The following RAB38 variants were observed in gnomAD, a reference collection of about 807,000 sequenced individuals.
The protein encoded by RAB38 is RAB38, member RAS oncogene family.
A neutral mutation model predicts 18.4 loss-of-function variants in RAB38; 15 were observed. That is an observed-to-expected ratio of 0.82 (90% CI 0.55 to 1.26). The LOEUF is 1.26. Among genes scored for constraint, RAB38 ranks in the 50% most tolerant of loss-of-function variants. The pLI is 0.00. For synonymous variants in RAB38, 101 were observed against 104.4 expected (o/e 0.97, Z 0.20); for missense variants, 294 against 267.4 (o/e 1.10, Z -0.69).
chr11:88,173,388 A>G (rs964843713), intron 1 of RAB38, among the ~76,000 whole-genome samples: 1 of 152,190 alleles, frequency 6.6e-6, no homozygotes, highest in African/African-American at 2.4e-5. Flanking sequence ...AAGGAAACCA[A>G]AACAAGGAGG....
the RAB38 span, among the ~76,000 whole-genome samples, chr11:87,805,561 G>A: frequency 1.3e-5 from 2 of 151,542 alleles, no homozygotes; most frequent in Non-Finnish European, 2.9e-5. Context: ...GAGGGAGGGA[G>A]TGATTGGCAA....
At chr11:88,075,117 A>G in the RAB38 span, among the ~76,000 whole-genome samples, 1 of 152,230 alleles carries the variant, frequency 6.6e-6, no homozygotes, top group South Asian at 2.1e-4. Flanking sequence ...CTTCAACACC[A>G]TTCTCAGCAA....
the RAB38 span, among the ~76,000 whole-genome samples, chr11:87,955,873 G>GCGCA: frequency 3.4e-5 from 5 of 148,506 alleles, no homozygotes; most frequent in African/African-American, 9.9e-5. Flanking sequence ...CAAACAGTAT[G>GCGCA]CACACACACA....
the RAB38 span, among the ~76,000 whole-genome samples, chr11:87,895,063 C>G: frequency 1.8e-3 from 268 of 151,632 alleles, 1 homozygote; most frequent in African/African-American, 5.9e-3. Flanking sequence ...TGGAGTTCAA[C>G]TGAAATGCTT....
intron 2 of RAB38, among the ~76,000 whole-genome samples, chr11:88,135,949 A>G (rs1274006616): frequency 6.6e-6 from 1 of 152,192 alleles, no homozygotes; most frequent in African/African-American, 2.4e-5. Flanking sequence ...GTGACTGGGA[A>G]TTATGAAAGT....
At chr11:87,905,432 C>T in the RAB38 span, among the ~76,000 whole-genome samples, 1 of 151,760 alleles carries the variant, frequency 6.6e-6, no homozygotes, top group African/African-American at 2.4e-5. Context: ...TTATTTAATC[C>T]TAAACCTTAT....
the RAB38 span, chr11:88,098,505 A>T: frequency 6.6e-6 from 1 of 152,018 alleles, no homozygotes. Flanking sequence ...TCTGTATCTT[A>T]GCTAGTTGCA....
At chr11:88,011,710 C>G in the RAB38 span, among the ~76,000 whole-genome samples, 1 of 151,970 alleles carries the variant, frequency 6.6e-6, no homozygotes, top group African/African-American at 2.4e-5. Context: ...AAATTATGTC[C>G]TCTAGTTCTT....
chr11:88,160,246 A>G (rs1943174005), intron 1 of RAB38, among the ~76,000 whole-genome samples: 2 of 152,168 alleles, frequency 1.3e-5, no homozygotes, highest in Non-Finnish European at 2.9e-5. Flanking sequence ...TGAACACCAG[A>G]GAAATGCAAA....
chr11:87,829,584 G>A, the RAB38 span, among the ~76,000 whole-genome samples: 1 of 152,108 alleles, frequency 6.6e-6, no homozygotes, highest in African/African-American at 2.4e-5. Flanking sequence ...CACGAGAACA[G>A]CATGGGGGAA....
At position 88,145,036 on chromosome 11, in the gene RAB38, G is replaced by A. The variant is rs370410693; in HGVS notation, c.483+4639C>T. Among the ~76,000 whole-genome samples, 4 of 152,136 alleles carry A rather than the reference G, an allele frequency of 2.6e-5. No individual in the cohort carries two copies. In the East Asian group the frequency reaches 5.8e-4, roughly 22 times the overall value. On this transcript the variant is annotated intron_variant, in intron 2 of 2. Transcript: ENST00000243662. ...TTGTGTGCATCACGGCTAGATCGGCGTATGGGCTGTGGGTAGAGACAGTAG... is the reference window on the plus strand; with the variant it reads ...TTGTGTGCATCACGGCTAGATCGGCATATGGGCTGTGGGTAGAGACAGTAG...
the RAB38 span, among the ~76,000 whole-genome samples, chr11:88,064,536 A>C: frequency 6.6e-6 from 1 of 152,236 alleles, no homozygotes; most frequent in African/African-American, 2.4e-5. Flanking sequence ...ACAGCTGCAC[A>C]AATGAACACT....
At chr11:88,087,589 C>T in the RAB38 span, among the ~76,000 whole-genome samples, 1 of 151,936 alleles carries the variant, frequency 6.6e-6, no homozygotes, top group African/African-American at 2.4e-5. Context: ...GAGTCAGGAA[C>T]ATATGGGCTC....
chr11:87,851,097 A>G, the RAB38 span, among the ~76,000 whole-genome samples: 1 of 152,160 alleles, frequency 6.6e-6, no homozygotes, highest in African/African-American at 2.4e-5. Flanking sequence ...CTTCCCTTTG[A>G]AAAAAAGTAT....
At chr11:88,012,397 G>T in the RAB38 span, among the ~76,000 whole-genome samples, 3 of 152,160 alleles carry the variant, frequency 2.0e-5, no homozygotes, top group Non-Finnish European at 4.4e-5. Context: ...AGGATTGTTG[G>T]TAAGTAACGG....
the RAB38 span, among the ~76,000 whole-genome samples, chr11:87,806,264 A>G: frequency 6.6e-6 from 1 of 152,150 alleles, no homozygotes; most frequent in Non-Finnish European, 1.5e-5. Flanking sequence ...AAATGGGAGA[A>G]ATTTAATCTC....
the RAB38 span, among the ~76,000 whole-genome samples, chr11:87,931,316 C>G: frequency 1.3e-5 from 2 of 152,060 alleles, no homozygotes; most frequent in Non-Finnish European, 2.9e-5. Flanking sequence ...TTTGGGTTGT[C>G]TATTTTTGTT....
At chr11:87,902,247 CA>C in the RAB38 span, among the ~76,000 whole-genome samples, 1 of 151,422 alleles carries the variant, frequency 6.6e-6, no homozygotes, top group Non-Finnish European at 1.5e-5. Flanking sequence ...ATAAGGCCAC[CA>C]AACTTTTAGT....
chr11:87,959,729 T>G, the RAB38 span, among the ~76,000 whole-genome samples: 1 of 152,146 alleles, frequency 6.6e-6, no homozygotes. Context: ...TGTTTTCCTT[T>G]CTCTCCCTTT....
Sources: gnomAD v4.1 joint callset for allele counts (sites outside exome capture counted in the v4.1 genomes callset) on GRCh38, gnomAD v4.1.1 for gene constraint, MANE v1.5 for transcripts, NCBI Gene and HGNC (gene_info 2026-07-23, HGNC 2026-07-21) for gene names.